Variants in SPTLC3 observed in about 807,000 individuals in gnomAD.
The protein encoded by SPTLC3 is serine palmitoyltransferase 3.
Under a neutral mutation model 59.3 loss-of-function variants are expected in SPTLC3, and 36 were observed. The observed-to-expected ratio is 0.61, with a 90% confidence interval of 0.47 to 0.80. SPTLC3 has a LOEUF of 0.80. Among genes scored for constraint, SPTLC3 ranks in the 30% least tolerant of loss-of-function variants. SPTLC3 has a pLI of 0.00. For missense variants in SPTLC3, 625 were observed against 685.1 expected, an observed-to-expected ratio of 0.91 and a Z score of 0.98; for synonymous variants, 257 against 240.8, an observed-to-expected ratio of 1.07 and a Z score of -0.62.
chr20:13,137,435 A>G (rs2038273900), intron 9 of SPTLC3, among the ~76,000 whole-genome samples: 1 of 152,082 alleles, frequency 6.6e-6, no homozygotes, highest in South Asian at 2.1e-4. Context: ...TGCAGAAGTG[A>G]TGGATTTTTT....
At chr20:13,162,694 C>G (rs370820918) in intron 11 of SPTLC3, among the ~76,000 whole-genome samples, 1 of 152,210 alleles carries the variant, frequency 6.6e-6, no homozygotes, top group Non-Finnish European at 1.5e-5. Flanking sequence ...CCAATAACAA[C>G]TCTAGCCTCG....
intron 2 of SPTLC3, among the ~76,000 whole-genome samples, chr20:13,066,544 C>T (rs1988219076): frequency 6.6e-6 from 1 of 152,248 alleles, no homozygotes; most frequent in South Asian, 2.1e-4. Flanking sequence ...CCTTATGACT[C>T]CTTGCATATA....
At chr20:13,121,877 G>A (rs1033298259) in intron 8 of SPTLC3, among the ~76,000 whole-genome samples, 7 of 152,204 alleles carry the variant, frequency 4.6e-5, no homozygotes, top group Admixed American at 6.5e-5. Flanking sequence ...GTGCTGCACC[G>A]ATGAGGTATT....
At chr20:13,105,806 T>C (rs1989859171) in intron 6 of SPTLC3, among the ~76,000 whole-genome samples, 1 of 152,192 alleles carries the variant, frequency 6.6e-6, no homozygotes, top group Admixed American at 6.5e-5. Context: ...ACCATCTCTT[T>C]ATTCCATTCA....
chr20:13,068,991 A>C lies in SPTLC3; in HGVS notation c.304-3265A>C, dbSNP rs557488358. ...TGAATCCCTGAGTCAGGAGGCAGAG[A>C]GGTTAGACAGGATGAAGTATTTTCC... On this transcript the variant is annotated intron_variant, in intron 2 of 11. Coordinates refer to ENST00000399002, the MANE Select transcript of SPTLC3 (RefSeq NM_018327.4). 9.9e-5 allele frequency among the ~76,000 whole-genome samples: 15 copies of C among 152,256 alleles called. No individual in the cohort carries two copies. In the East Asian group the frequency reaches 2.9e-3, roughly 29 times the overall value.
At chr20:13,078,474 T>C (rs191211971) in intron 4 of SPTLC3, among the ~76,000 whole-genome samples, 1 of 151,934 alleles carries the variant, frequency 6.6e-6, no homozygotes, top group Non-Finnish European at 1.5e-5. Flanking sequence ...GAATAAAAAA[T>C]ATCTACCTCA....
chr20:13,052,957 C>T (rs1291389265), intron 2 of SPTLC3, among the ~76,000 whole-genome samples: 1 of 152,192 alleles, frequency 6.6e-6, no homozygotes, highest in Non-Finnish European at 1.5e-5. Context: ...GGGGCAGCTG[C>T]AGGTGCAGCT....
intron 8 of SPTLC3, among the ~76,000 whole-genome samples, chr20:13,118,450 A>G (rs76109099): frequency 0.036 from 4,708 of 130,154 alleles, 251 homozygotes; most frequent in South Asian, 0.068. Context: ...AGGTTTGTGG[A>G]AAAAAAAAAC....
chr20:13,132,230 G>A (rs2038137214), intron 9 of SPTLC3, among the ~76,000 whole-genome samples: 1 of 139,614 alleles, frequency 7.2e-6, no homozygotes, highest in Non-Finnish European at 1.5e-5. Context: ...AGGCTGGAGT[G>A]CAGTGGTGCC....
intron 1 of SPTLC3, among the ~76,000 whole-genome samples, chr20:13,039,242 T>G (rs1986870387): frequency 6.7e-6 from 1 of 149,120 alleles, no homozygotes; most frequent in East Asian, 1.9e-4. Context: ...AATATTATTA[T>G]GAAATTTTCT....
intron 3 of SPTLC3, 22 bp downstream of exon 3, chr20:13,072,432 G>T (rs746242663): frequency 2.0e-6 from 3 of 1,538,266 alleles, no homozygotes; most frequent in Non-Finnish European, 2.6e-6. Context: ...TCTTGGAGGG[G>T]ATTGGTGAAA....
chr20:13,084,143 A>T (rs1037884937), intron 4 of SPTLC3, among the ~76,000 whole-genome samples: 2 of 152,146 alleles, frequency 1.3e-5, no homozygotes, highest in African/African-American at 4.8e-5. Flanking sequence ...GTAAGCTTCT[A>T]TAAAGACTGG....
At chr20:13,157,664 GA>G (rs60227191) in intron 10 of SPTLC3, among the ~76,000 whole-genome samples, 3,671 of 141,608 alleles carry the variant, frequency 0.026, 100 homozygotes, top group African/African-American at 0.075. Flanking sequence ...ACTACAAACA[GA>G]AAAAAAAAAA....
chr20:13,132,226 G>T (rs1291305011), intron 9 of SPTLC3, among the ~76,000 whole-genome samples: 1 of 142,566 alleles, frequency 7.0e-6, no homozygotes, highest in Non-Finnish European at 1.5e-5. Flanking sequence ...ACCCAGGCTG[G>T]AGTGCAGTGG....
intron 6 of SPTLC3, 29 bp downstream of exon 6, chr20:13,093,606 T>C (rs765937613): frequency 3.1e-5 from 50 of 1,589,608 alleles, no homozygotes; most frequent in Non-Finnish European, 3.7e-5. Context: ...TCTCAACATG[T>C]ACTGGATTGC....
chr20:13,120,552 A>G (rs1421750070), intron 8 of SPTLC3, among the ~76,000 whole-genome samples: 1 of 152,184 alleles, frequency 6.6e-6, no homozygotes, highest in Non-Finnish European at 1.5e-5. Flanking sequence ...TAATATTGGT[A>G]TAGAGGGGCT....
intron 1 of SPTLC3, among the ~76,000 whole-genome samples, chr20:13,040,616 C>T (rs1310298461): frequency 4.6e-5 from 7 of 152,050 alleles, no homozygotes; most frequent in African/African-American, 1.7e-4. Context: ...CCTTGGCCTC[C>T]CAAAGTGTTA....
intron 4 of SPTLC3, among the ~76,000 whole-genome samples, chr20:13,086,758 T>C (rs1989018129): frequency 6.6e-6 from 1 of 152,108 alleles, no homozygotes; most frequent in Admixed American, 6.6e-5. Context: ...TTTTCTTCTC[T>C]CTTCCCTTGT....
In SPTLC3 at chr20:13,148,821, A is replaced by G. The variant is rs2038577266; in HGVS notation, c.1280-5182A>G. Among the ~76,000 whole-genome samples the G allele has an allele frequency of 2.0e-5, 3 of 152,192 alleles. No individual in the cohort carries two copies. In the South Asian group the frequency reaches 6.2e-4, roughly 32 times the overall value. ...ACATAAGGTTTGCCAAGCTCTCCAGATGACTGTGAGGTGGCACTGAGGCTG... is the reference window on the plus strand; with the variant it reads ...ACATAAGGTTTGCCAAGCTCTCCAGGTGACTGTGAGGTGGCACTGAGGCTG... On this transcript the variant is annotated intron_variant, in intron 9 of 11. Transcript: ENST00000399002.
Sources: allele counts gnomAD v4.1 joint callset (sites outside exome capture counted in the v4.1 genomes callset), GRCh38; gene constraint gnomAD v4.1.1; transcripts MANE v1.5; gene names NCBI Gene and HGNC (gene_info 2026-07-23, HGNC 2026-07-21).